UST: variants seen among roughly 807,000 people sequenced by gnomAD.
The protein encoded by UST is uronyl 2-sulfotransferase, also known as chondroitin sulfate 2-O-sulfotransferase.
A neutral mutation model predicts 45.6 loss-of-function variants in UST; 21 were observed. That is an observed-to-expected ratio of 0.46 (90% confidence interval 0.33 to 0.66). The LOEUF (loss-of-function observed/expected upper bound fraction) is 0.66, where lower values mean the gene tolerates loss of function less well. UST is among the 30% of genes least tolerant of loss of function. The pLI, the probability that UST is intolerant of heterozygous loss-of-function variation, is 0.02. For synonymous variants in UST, 215 were observed against 200.6 expected, an observed-to-expected ratio of 1.07 and a Z score of -0.61; for missense variants, 463 against 512.4, an observed-to-expected ratio of 0.90 and a Z score of 0.93.
chr6:148,778,991 G>A (rs1471550856), intron 1 of UST, among the ~76,000 whole-genome samples: 1 of 152,092 alleles, frequency 6.6e-6, no homozygotes, highest in South Asian at 2.1e-4. Context: ...CTTCTGCAAG[G>A]CCGAGCCCAC....
chr6:148,887,444 C>G (rs1022765518), intron 2 of UST, among the ~76,000 whole-genome samples: 1 of 152,246 alleles, frequency 6.6e-6, no homozygotes, highest in Non-Finnish European at 1.5e-5. Context: ...TGGGATACTC[C>G]ACTTGAGGCC....
chr6:148,830,470 C>G (rs1466580616), intron 1 of UST, among the ~76,000 whole-genome samples: 1 of 152,146 alleles, frequency 6.6e-6, no homozygotes, highest in Non-Finnish European at 1.5e-5. Flanking sequence ...CGCATCGTTT[C>G]CTTTCGGGAG....
chr6:149,065,814 G>A (rs969635620), intron 7 of UST, among the ~76,000 whole-genome samples: 3 of 152,206 alleles, frequency 2.0e-5, no homozygotes, highest in Non-Finnish European at 4.4e-5. Flanking sequence ...TCCTGTTTCT[G>A]ACCGCGACAT....
intron 7 of UST, among the ~76,000 whole-genome samples, chr6:149,041,339 G>A (rs888469640): frequency 6.6e-6 from 1 of 152,202 alleles, no homozygotes; most frequent in Non-Finnish European, 1.5e-5. Context: ...CCAGCCCAGC[G>A]AGCTATCGCT....
At chr6:148,991,079 A>G (rs986574639) in intron 5 of UST, among the ~76,000 whole-genome samples, 1 of 152,206 alleles carries the variant, frequency 6.6e-6, no homozygotes, top group African/African-American at 2.4e-5. Context: ...GGTGACCGAA[A>G]GCTAAGAAAA....
At chr6:148,909,389 C>T (rs139452395) in intron 2 of UST, among the ~76,000 whole-genome samples, 117 of 152,284 alleles carry the variant, frequency 7.7e-4, no homozygotes, top group Non-Finnish European at 8.8e-4. Context: ...CGCTCAGATA[C>T]GGTCATGGTT....
intron 2 of UST, among the ~76,000 whole-genome samples, chr6:148,908,270 A>G (rs747376797): frequency 6.6e-6 from 1 of 152,120 alleles, no homozygotes; most frequent in African/African-American, 2.4e-5. Context: ...GGCTCTCATT[A>G]CTAATTATTT....
At chr6:148,895,782 C>T (rs1250552910) in intron 2 of UST, among the ~76,000 whole-genome samples, 6 of 152,198 alleles carry the variant, frequency 3.9e-5, no homozygotes, top group African/African-American at 1.2e-4. Context: ...CCTCCTTAGC[C>T]ATGTGGAACT....
intron 1 of UST, among the ~76,000 whole-genome samples, chr6:148,869,174 G>A (rs1023709692): frequency 2.0e-5 from 3 of 152,156 alleles, no homozygotes; most frequent in Non-Finnish European, 2.9e-5. Flanking sequence ...CTGATGTTAA[G>A]GCACCTATTT....
Position 149,076,243 on chromosome 6 carries a change from G to A in UST, c.*2127G>A, listed in dbSNP as rs1339024791. The A allele has an allele frequency of 6.6e-6, 1 of 152,198 alleles. No homozygotes were observed. Among genetic ancestry groups the A allele is most frequent in the East Asian group, 1.9e-4 (1 of 5,202 alleles). 9.4% of individuals were successfully genotyped at this position (152,198 alleles called of 1,614,324 possible). A position where few individuals can be genotyped will look rare whatever the true frequency, so the allele number is the denominator to read the frequency against. ...TCAATCATATTCAAAACCAGTACAA[G>A]AACTGCTGCCTGGTACCCTGTGAGT... On this transcript the variant is annotated 3_prime_UTR_variant, in exon 8 of 8. Transcript: ENST00000367463.
chr6:148,975,268 G>A (rs1366056178), intron 5 of UST, among the ~76,000 whole-genome samples: 2 of 152,138 alleles, frequency 1.3e-5, no homozygotes, highest in East Asian at 3.8e-4. Flanking sequence ...ATGTCTGTAA[G>A]TCTTATGTTT....
intron 1 of UST, among the ~76,000 whole-genome samples, chr6:148,782,650 C>T (rs189455853): frequency 6.6e-6 from 1 of 152,090 alleles, no homozygotes; most frequent in African/African-American, 2.4e-5. Context: ...AGGGTTTCAC[C>T]ATGTTGGTCA....
intron 1 of UST, among the ~76,000 whole-genome samples, chr6:148,816,925 A>G (rs1231062104): frequency 6.6e-6 from 1 of 152,188 alleles, no homozygotes; most frequent in African/African-American, 2.4e-5. Flanking sequence ...ATGCAGTCCT[A>G]TCTTCCCTTG....
chr6:148,825,737 T>C (rs1211670674), intron 1 of UST, among the ~76,000 whole-genome samples: 1 of 152,202 alleles, frequency 6.6e-6, no homozygotes, highest in Non-Finnish European at 1.5e-5. Flanking sequence ...AAGGAAGAGT[T>C]CTCAGCCTAA....
intron 1 of UST, among the ~76,000 whole-genome samples, chr6:148,782,457 C>CT (rs1178883318): frequency 2.9e-4 from 42 of 144,788 alleles, no homozygotes; most frequent in Middle Eastern, 7.4e-3. Context: ...GGAGTTGCTT[C>CT]TTTTTTTTTT....
chr6:148,953,558 G>A (rs570497525), intron 3 of UST, among the ~76,000 whole-genome samples: 10 of 152,088 alleles, frequency 6.6e-5, no homozygotes, highest in African/African-American at 1.9e-4. Flanking sequence ...CGAGGCGGGC[G>A]GATCACGAGG....
At chr6:148,814,413 G>A (rs1777318357) in intron 1 of UST, among the ~76,000 whole-genome samples, 2 of 152,224 alleles carry the variant, frequency 1.3e-5, no homozygotes, top group Middle Eastern at 3.4e-3. Flanking sequence ...TCTTGTAGGG[G>A]CATGTGAGCC....
chr6:149,042,321 A>T (rs1052383182), intron 7 of UST, among the ~76,000 whole-genome samples: 2 of 152,256 alleles, frequency 1.3e-5, no homozygotes, highest in East Asian at 3.8e-4. Flanking sequence ...TGCACTAAAA[A>T]TACAGGTGAT....
chr6:148,934,885 C>G lies in UST; in HGVS notation c.292-6394C>G, dbSNP rs1039563831. Reference sequence around the variant, plus strand: ...AGGAATTTGAATATACAGTTATTTGCGAACCACAGCTTGTACTATATTAAG... The same window carrying G: ...AGGAATTTGAATATACAGTTATTTGGGAACCACAGCTTGTACTATATTAAG... On this transcript the variant is annotated intron_variant, in intron 2 of 7. Transcript: ENST00000367463. This position sits in a 1 kb window ranked among gnomAD's most constrained non-coding sequence, Gnocchi z 4.1. 6.6e-6 allele frequency among the ~76,000 whole-genome samples: 1 copy of G among 152,084 alleles called. No individual in the cohort carries two copies. Among genetic ancestry groups the G allele is most frequent in the African/African-American group, 2.4e-5 (1 of 41,396 alleles).
Sources: gnomAD v4.1 joint callset for allele counts (sites outside exome capture counted in the v4.1 genomes callset) on GRCh38, gnomAD v4.1.1 for gene constraint, Gnocchi (gnomAD v3.1) non-coding constraint, MANE v1.5 for transcripts, NCBI Gene and HGNC (gene_info 2026-07-23, HGNC 2026-07-21) for gene names.